FBXO8: variants seen among roughly 807,000 people sequenced by gnomAD.
The protein encoded by FBXO8 is F-box only protein 8.
A neutral mutation model predicts 33.4 loss-of-function variants in FBXO8; 15 were observed. The observed-to-expected ratio is 0.45, with a 90% CI of 0.30 to 0.69. FBXO8 has a LOEUF of 0.69. FBXO8 is among the 30% of genes least tolerant of loss of function. FBXO8 has a pLI of 0.08. For synonymous variants in FBXO8, 132 were observed against 131.5 expected (o/e 1.00, Z -0.02); for missense variants, 274 against 380.3 (o/e 0.72, Z 2.32).
At chr4:174,240,119 A>C (rs1346674458) in intron 4 of FBXO8, among the ~76,000 whole-genome samples, 1 of 150,510 alleles carries the variant, frequency 6.6e-6, no homozygotes, top group African/African-American at 2.4e-5. Flanking sequence ...TATGACCCAC[A>C]AAACCTAAAA....
rs993957008 is a variant in FBXO8 at position 174,278,998 on chromosome 4, T to G, written c.-9+4412A>C. Among the ~76,000 whole-genome samples the G allele has an allele frequency of 3.3e-5, 5 of 152,040 alleles. No individual in the cohort carries two copies. Among genetic ancestry groups the G allele is most frequent in the African/African-American group, 1.2e-4 (5 of 41,418 alleles). On this transcript the variant is annotated intron_variant, in intron 1 of 5. Transcript: ENST00000393674. This position sits in a 1 kb window ranked among gnomAD's most constrained non-coding sequence, Gnocchi z 4.1. ...TTTCCTCCCCTGTAAAATAAGGGTT[T>G]TGAAACTGGTGTTCCCTAAGGTCTT...
In FBXO8 at chr4:174,261,993, C is replaced by CA. The variant is rs916447166; in HGVS notation, c.329+770dup. On this transcript the variant is annotated intron_variant, in intron 2 of 5. Transcript: ENST00000393674. The surrounding 1 kb of genome is among the most constrained non-coding windows in gnomAD (Gnocchi z 4.1). ...TCCATGTTTGGTAATATTTTTAGGC[C>CA]AAAAAATCATGTACCTATACTTTTT... Among the ~76,000 whole-genome samples, 2 of 151,610 alleles carry CA rather than the reference C, an allele frequency of 1.3e-5. No homozygotes were observed.
chr4:174,255,468 C>T lies in FBXO8; in HGVS notation c.456+4231G>A, dbSNP rs1407273459. ...ATAAGTTGCATATTCATTTCTACCT[C>T]AAACATGTGGATAGGTCAAATTTAA... On this transcript the variant is annotated intron_variant, in intron 3 of 5. Transcript: ENST00000393674. The surrounding 1 kb of genome is among the most constrained non-coding windows in gnomAD (Gnocchi z 4.3). Among the ~76,000 whole-genome samples the T allele has an allele frequency of 6.6e-6, 1 of 151,852 alleles. No individual in the cohort carries two copies. The highest frequency in any genetic ancestry group is 1.9e-4 in the East Asian group (1 of 5,192).
rs1171175973 is a variant in FBXO8, at chr4:174,263,991, A to T, written c.-8-891T>A. ...TTAAATAGCTTTTCTGGAGCAAATA[A>T]AGTCATTCAGAACAACTAAATCGGA... On this transcript the variant is annotated intron_variant, in intron 1 of 5. Coordinates refer to ENST00000393674, the MANE Select transcript of FBXO8 (RefSeq NM_012180.3). The surrounding 1 kb of genome is among the most constrained non-coding windows in gnomAD (Gnocchi z 4.2). 6.6e-6 allele frequency among the ~76,000 whole-genome samples: 1 copy of T among 152,192 alleles called. No individual in the cohort carries two copies. The highest frequency in any genetic ancestry group is 2.4e-5 in the African/African-American group (1 of 41,456).
At position 174,259,940 on chromosome 4, in the gene FBXO8, TA is replaced by T; in HGVS notation, c.330-116del. 8.6e-7 allele frequency: 1 copy of T among 1,162,480 alleles called. No homozygotes were observed. Among genetic ancestry groups the T allele is most frequent in the Non-Finnish European group, 1.2e-6 (1 of 843,418 alleles). The allele number at this position is 1,162,480 out of a possible 1,614,324, so 72.0% of individuals were successfully genotyped here. A position where few individuals can be genotyped will look rare whatever the true frequency, so the allele number is the denominator to read the frequency against. On this transcript the variant is annotated intron_variant, in intron 2 of 5. Coordinates refer to ENST00000393674, the MANE Select transcript of FBXO8 (RefSeq NM_012180.3). The surrounding 1 kb of genome is among the most constrained non-coding windows in gnomAD (Gnocchi z 4.3). ...GAAATAAGATTGAATTTTATAGTTC[TA>T]AAGTTTAAAATTTTTAAGTTTGTAC...
At chr4:174,258,753 C>T (rs570982418) in intron 3 of FBXO8, among the ~76,000 whole-genome samples, 3 of 151,790 alleles carry the variant, frequency 2.0e-5, no homozygotes, top group East Asian at 1.9e-4. Context: ...TATATGCATA[C>T]GTATAAAATT....
intron 3 of FBXO8, among the ~76,000 whole-genome samples, chr4:174,242,936 T>C (rs938472610): frequency 2.0e-5 from 3 of 151,624 alleles, no homozygotes; most frequent in Non-Finnish European, 3.0e-5. Flanking sequence ...AAGCATTATT[T>C]AATAGATTCT....
intron 1 of FBXO8, among the ~76,000 whole-genome samples, chr4:174,282,456 T>C (rs766518412): frequency 6.6e-6 from 1 of 152,188 alleles, no homozygotes; most frequent in African/African-American, 2.4e-5. Flanking sequence ...AGACATATTG[T>C]CAGGTTAATT....
rs1736899400 is a variant in FBXO8 at position 174,274,142 on chromosome 4, T to C, written c.-9+9268A>G. Among the ~76,000 whole-genome samples the C allele has an allele frequency of 6.6e-6, 1 of 152,224 alleles. No homozygotes were observed. The highest frequency in any genetic ancestry group is 1.5e-5 in the Non-Finnish European group (1 of 68,032). On this transcript the variant is annotated intron_variant, in intron 1 of 5. Transcript: ENST00000393674. This position sits in a 1 kb window ranked among gnomAD's most constrained non-coding sequence, Gnocchi z 4.0. ...CCGTCACTGTTTATTACCTCCATCG[T>C]TGGTCCCAGCTGCAGCTGCTCTTTC...
intron 3 of FBXO8, among the ~76,000 whole-genome samples, chr4:174,248,299 T>C (rs1264131317): frequency 6.6e-6 from 1 of 152,036 alleles, no homozygotes; most frequent in African/African-American, 2.4e-5. Flanking sequence ...ATACAGTCAC[T>C]AGATTCAAAG....
chr4:174,251,900 T>C lies in FBXO8; in HGVS notation c.456+7799A>G, dbSNP rs1035924161. Among the ~76,000 whole-genome samples the C allele has an allele frequency of 6.6e-6, 1 of 152,164 alleles. No individual in the cohort carries two copies. The highest frequency in any genetic ancestry group is 1.5e-5 in the Non-Finnish European group (1 of 68,018). On this transcript the variant is annotated intron_variant, in intron 3 of 5. Coordinates refer to ENST00000393674, the MANE Select transcript of FBXO8 (RefSeq NM_012180.3). The surrounding 1 kb of genome is among the most constrained non-coding windows in gnomAD (Gnocchi z 4.2). The stretch of plus-strand genomic sequence containing the variant: ...TGGTGAGGGACTCCTCTCACTGTCA[T>C]CTAGCTTCTTTTGCCCTGATTAAAT...
Position 174,257,412 on chromosome 4 carries a change from T to A in FBXO8, c.456+2287A>T, listed in dbSNP as rs1029868723. Among the ~76,000 whole-genome samples the A allele has an allele frequency of 6.6e-6, 1 of 152,172 alleles. No homozygotes were observed. The highest frequency in any genetic ancestry group is 1.9e-4 in the East Asian group (1 of 5,198). On this transcript the variant is annotated intron_variant, in intron 3 of 5. Coordinates refer to ENST00000393674, the MANE Select transcript of FBXO8 (RefSeq NM_012180.3). The surrounding 1 kb of genome is among the most constrained non-coding windows in gnomAD (Gnocchi z 4.3). Reference sequence around the variant, plus strand: ...ATCTACAACTTAGTACTTACCAGGTTACATTTCTCTTATAATGTAACATTT... The same window carrying A: ...ATCTACAACTTAGTACTTACCAGGTAACATTTCTCTTATAATGTAACATTT...
rs1405619404 is a variant in FBXO8, at chr4:174,237,613, G to T, written c.773-14C>A. 6.3e-7 allele frequency: 1 copy of T among 1,578,270 alleles called. No homozygotes were observed. The highest frequency in any genetic ancestry group is 1.1e-5 in the South Asian group (1 of 87,394). ...CATAGACAGCATCTGGAAAGAAAAA[G>T]AAACAGTTCAAATTATTAGTTGGTT... is the stretch of plus-strand genomic sequence containing the variant. On this transcript the variant is annotated splice_polypyrimidine_tract_variant and intron_variant, in intron 5 of 5. Coordinates refer to ENST00000393674, the MANE Select transcript of FBXO8 (RefSeq NM_012180.3). This position sits in a 1 kb window ranked among gnomAD's most constrained non-coding sequence, Gnocchi z 4.4.
At chr4:174,243,580 G>A (rs530641481) in intron 3 of FBXO8, among the ~76,000 whole-genome samples, 1 of 146,042 alleles carries the variant, frequency 6.8e-6, no homozygotes, top group South Asian at 2.4e-4. Flanking sequence ...TCGCACCAAC[G>A]TACAATTAAA....
Position 174,261,670 on chromosome 4 carries a change from A to G in FBXO8, c.329+1094T>C, listed in dbSNP as rs1736566353. On this transcript the variant is annotated intron_variant, in intron 2 of 5. Transcript: ENST00000393674. The surrounding 1 kb of genome is among the most constrained non-coding windows in gnomAD (Gnocchi z 4.1). Reference sequence around the variant, plus strand: ...TCAAACAAATGAGTAAAAGAATAACAAGATATGATATTGATGATTTTTATC... The same window carrying G: ...TCAAACAAATGAGTAAAAGAATAACGAGATATGATATTGATGATTTTTATC... Among the ~76,000 whole-genome samples the G allele has an allele frequency of 6.6e-6, 1 of 152,020 alleles. No homozygotes were observed. The highest frequency in any genetic ancestry group is 2.4e-5 in the African/African-American group (1 of 41,450).
At chr4:174,273,449 A>G (rs1458558059) in intron 1 of FBXO8, among the ~76,000 whole-genome samples, 1 of 152,134 alleles carries the variant, frequency 6.6e-6, no homozygotes, top group African/African-American at 2.4e-5. Context: ...TATGTCGCAC[A>G]TTATTGAGAT....
intron 4 of FBXO8, among the ~76,000 whole-genome samples, chr4:174,240,608 G>A (rs1215299547): frequency 1.3e-5 from 2 of 151,328 alleles, no homozygotes; most frequent in African/African-American, 4.8e-5. Context: ...ACTGCTAAAT[G>A]TTACATTTTC....
chr4:174,263,707 G>A lies in FBXO8; in HGVS notation c.-8-607C>T, dbSNP rs1256745644. ...CCTAGAACTCCATGATAAATAGCTC[G>A]GTAACAGTAGACTATTTAGTTTTGT... On this transcript the variant is annotated intron_variant, in intron 1 of 5. Coordinates refer to ENST00000393674, the MANE Select transcript of FBXO8 (RefSeq NM_012180.3). This position sits in a 1 kb window ranked among gnomAD's most constrained non-coding sequence, Gnocchi z 4.2. Among the ~76,000 whole-genome samples the A allele has an allele frequency of 1.3e-5, 2 of 152,052 alleles. No individual in the cohort carries two copies. Among genetic ancestry groups the A allele is most frequent in the African/African-American group, 2.4e-5 (1 of 41,406 alleles).
chr4:174,246,932 G>A (rs6824643), intron 3 of FBXO8, among the ~76,000 whole-genome samples: 39,984 of 151,866 alleles, frequency 0.26, 6,445 homozygotes, highest in Non-Finnish European at 0.37. Context: ...TATCAACAAC[G>A]ATGCAGGATA....
Sources: allele counts gnomAD v4.1 joint callset (sites outside exome capture counted in the v4.1 genomes callset), GRCh38; gene constraint gnomAD v4.1.1; non-coding constraint Gnocchi (gnomAD v3.1); transcripts MANE v1.5; gene names NCBI Gene and HGNC (gene_info 2026-07-23, HGNC 2026-07-21).